Variants in NTM observed in about 807,000 individuals in gnomAD.
NTM encodes neurotrimin, also known as IgLON family member 2.
A neutral mutation model predicts 42.1 loss-of-function variants in NTM; 13 were observed. The ratio of observed to expected loss-of-function variants is 0.31; its 90% CI spans 0.20 to 0.49. The LOEUF (loss-of-function observed/expected upper bound fraction) is 0.49. Ranked by LOEUF, NTM falls within the 20% of genes least tolerant of loss-of-function variation. NTM has a pLI of 0.99. For synonymous variants in NTM, 187 were observed against 179.2 expected, an observed-to-expected ratio of 1.04 and a Z score of -0.35; for missense variants, 373 against 452.8, an observed-to-expected ratio of 0.82 and a Z score of 1.60.
At chr11:131,383,766 T>C (rs1942982858) in intron 1 of NTM, among the ~76,000 whole-genome samples, 1 of 152,160 alleles carries the variant, frequency 6.6e-6, no homozygotes, top group Non-Finnish European at 1.5e-5. Flanking sequence ...TTTGCAGTTG[T>C]AGTGGCCAAA....
chr11:131,592,416 A>G (rs1156646364), intron 1 of NTM, among the ~76,000 whole-genome samples: 1 of 152,062 alleles, frequency 6.6e-6, no homozygotes, highest in African/African-American at 2.4e-5. Flanking sequence ...ACACATGCTC[A>G]GTAATGACTT....
intron 3 of NTM, among the ~76,000 whole-genome samples, chr11:132,167,136 G>C (rs1415128683): frequency 6.6e-6 from 1 of 152,196 alleles, no homozygotes; most frequent in Non-Finnish European, 1.5e-5. Flanking sequence ...AGCGCTTGCT[G>C]TATGCCAGTT....
At chr11:132,034,515 G>T (rs564281698) in intron 2 of NTM, among the ~76,000 whole-genome samples, 31 of 152,330 alleles carry the variant, frequency 2.0e-4, no homozygotes, top group Admixed American at 1.7e-3. Context: ...TGGGCAACTG[G>T]ATAGTGGCAG....
chr11:131,997,583 T>C (rs1180297764), intron 2 of NTM, among the ~76,000 whole-genome samples: 2 of 152,192 alleles, frequency 1.3e-5, no homozygotes, highest in Non-Finnish European at 2.9e-5. Context: ...CACACCATCA[T>C]TGACAAATTT....
chr11:131,834,666 C>T (rs566029609), intron 1 of NTM, among the ~76,000 whole-genome samples: 1 of 135,796 alleles, frequency 7.4e-6, no homozygotes, highest in East Asian at 2.0e-4. Flanking sequence ...CACAGCAACG[C>T]AGTGGGATAG....
At chr11:131,509,120 C>A (rs73026146) in intron 1 of NTM, among the ~76,000 whole-genome samples, 11,495 of 152,162 alleles carry the variant, frequency 0.076, 485 homozygotes, top group Middle Eastern at 0.15. Flanking sequence ...CCCATTTGTC[C>A]CCTTGCCTCT....
At chr11:131,512,421 C>T (rs565101900) in intron 1 of NTM, among the ~76,000 whole-genome samples, 2 of 152,174 alleles carry the variant, frequency 1.3e-5, no homozygotes, top group African/African-American at 2.4e-5. Flanking sequence ...GGGCTGTCCT[C>T]AAACCAGAGC....
chr11:132,016,313 G>T (rs2073400000), intron 2 of NTM, among the ~76,000 whole-genome samples: 1 of 151,816 alleles, frequency 6.6e-6, no homozygotes, highest in African/African-American at 2.4e-5. Flanking sequence ...CATCACCCCA[G>T]AAAGTTCCCT....
intron 4 of NTM, among the ~76,000 whole-genome samples, chr11:132,238,413 G>T (rs984564118): frequency 6.6e-6 from 1 of 152,116 alleles, no homozygotes; most frequent in Middle Eastern, 3.2e-3. Context: ...TAATCCACAT[G>T]CCTCCCCTCT....
chr11:132,257,312 T>C (rs2092562096), intron 4 of NTM, among the ~76,000 whole-genome samples: 1 of 152,208 alleles, frequency 6.6e-6, no homozygotes, highest in Admixed American at 6.5e-5. Context: ...TGGGTCTAAG[T>C]GTCTCCAAGC....
At chr11:131,710,737 C>T (rs554997559) in intron 1 of NTM, among the ~76,000 whole-genome samples, 11 of 152,328 alleles carry the variant, frequency 7.2e-5, no homozygotes, top group African/African-American at 2.4e-4. Context: ...CTGCGGTTTG[C>T]AAGCCTTTGG....
At chr11:131,476,743 G>A (rs1013422106) in intron 1 of NTM, among the ~76,000 whole-genome samples, 1 of 152,084 alleles carries the variant, frequency 6.6e-6, no homozygotes, top group Admixed American at 6.6e-5. Flanking sequence ...TTGAAAAGAA[G>A]CCACACTTCC....
At chr11:131,599,616 ACT>A (rs1244211836) in intron 1 of NTM, among the ~76,000 whole-genome samples, 1 of 152,206 alleles carries the variant, frequency 6.6e-6, no homozygotes, top group Non-Finnish European at 1.5e-5. Flanking sequence ...TGCTAAATAT[ACT>A]TCCAGTCATT....
At chr11:132,312,274 T>C (rs2095303370) in intron 6 of NTM, 1 of 152,036 alleles carries the variant, frequency 6.6e-6, no homozygotes, top group Non-Finnish European at 1.5e-5. Context: ...CCAAGGCAGA[T>C]TAAAGGAAAC....
chr11:131,551,470 T>C (rs919248454), intron 1 of NTM, among the ~76,000 whole-genome samples: 1 of 150,480 alleles, frequency 6.6e-6, no homozygotes, highest in African/African-American at 2.4e-5. Flanking sequence ...TCTACTATGA[T>C]CTCCCTCTTG....
chr11:132,131,527 C>T (rs2066821353), intron 2 of NTM, among the ~76,000 whole-genome samples: 1 of 151,914 alleles, frequency 6.6e-6, no homozygotes, highest in African/African-American at 2.4e-5. Context: ...TCAGAGGGAG[C>T]CTTGTGAAGG....
At chr11:131,712,422 T>C (rs2077269605) in intron 1 of NTM, among the ~76,000 whole-genome samples, 1 of 152,124 alleles carries the variant, frequency 6.6e-6, no homozygotes, top group Admixed American at 6.5e-5. Flanking sequence ...TATCTGTATG[T>C]GTATACATAC....
At chr11:131,882,926 G>T (rs1193894674) in intron 1 of NTM, among the ~76,000 whole-genome samples, 1 of 152,042 alleles carries the variant, frequency 6.6e-6, no homozygotes, top group African/African-American at 2.4e-5. Flanking sequence ...AAAAGTTCAG[G>T]AAAATAACGA....
chr11:131,942,989 C>T (rs498311), intron 2 of NTM, among the ~76,000 whole-genome samples: 117,918 of 151,428 alleles, frequency 0.78, 46,052 homozygotes, highest in East Asian at 0.94. Context: ...GTGGGGCTAC[C>T]GCAGGGCATT....
Sources: allele counts gnomAD v4.1 joint callset (sites outside exome capture counted in the v4.1 genomes callset), GRCh38; gene constraint gnomAD v4.1.1; transcripts MANE v1.5; gene names NCBI Gene and HGNC (gene_info 2026-07-23, HGNC 2026-07-21).